Variants in MAPK10 observed in about 807,000 individuals in gnomAD.
MAPK10 encodes JNK3 alpha protein kinase.
In MAPK10, 25 loss-of-function variants were observed where a neutral mutation model predicts 59.3. That is an observed-to-expected ratio of 0.42 (90% CI 0.31 to 0.59). The LOEUF is 0.59. Among genes scored for constraint, MAPK10 ranks in the 20% least tolerant of loss-of-function variants. The pLI is 0.15. For missense variants in MAPK10, 351 were observed against 568.9 expected (o/e 0.62, Z 3.90); for synonymous variants, 190 against 200.5 (o/e 0.95, Z 0.44).
chr4:86,256,894 TTGCGCCC>T, intron 2 of MAPK10, among the ~76,000 whole-genome samples: 1 of 73,516 alleles, frequency 1.4e-5, no homozygotes, highest in Non-Finnish European at 2.4e-5. Flanking sequence ...GCGCCCGCCA[TTGCGCCC>T]GCCATTGCGC....
chr4:86,162,556 T>C (rs577814553), intron 3 of MAPK10, among the ~76,000 whole-genome samples: 8 of 152,216 alleles, frequency 5.3e-5, no homozygotes, highest in Admixed American at 5.2e-4. Context: ...TGATAGTTTT[T>C]ACCAGGTATT....
intron 1 of MAPK10, among the ~76,000 whole-genome samples, chr4:86,451,867 A>G (rs1750755960): frequency 6.6e-6 from 1 of 152,144 alleles, no homozygotes; most frequent in Admixed American, 6.5e-5. Flanking sequence ...ACAAAAAAAG[A>G]CACCAGATAC....
intron 1 of MAPK10, among the ~76,000 whole-genome samples, chr4:86,551,244 T>C (rs769050537): frequency 6.6e-6 from 1 of 152,218 alleles, no homozygotes; most frequent in Non-Finnish European, 1.5e-5. Flanking sequence ...GAAATGTGTG[T>C]TTTCCACTAT....
At chr4:86,221,916 C>A (rs76937670) in intron 2 of MAPK10, among the ~76,000 whole-genome samples, 12,926 of 152,188 alleles carry the variant, frequency 0.085, 1,219 homozygotes, top group African/African-American at 0.23. Flanking sequence ...TGTTCTTGTG[C>A]TACTGAGTGA....
chr4:86,057,775 A>G (rs1239660726), intron 11 of MAPK10, among the ~76,000 whole-genome samples: 1 of 150,150 alleles, frequency 6.7e-6, no homozygotes, highest in South Asian at 2.1e-4. Flanking sequence ...AGAAAAGGGT[A>G]AGAAGTGAAG....
At chr4:86,140,717 G>T (rs1411169950) in intron 4 of MAPK10, among the ~76,000 whole-genome samples, 1 of 151,878 alleles carries the variant, frequency 6.6e-6, no homozygotes, top group Non-Finnish European at 1.5e-5. Context: ...ATTTATGTAT[G>T]CATTCTGATT....
intron 3 of MAPK10, among the ~76,000 whole-genome samples, chr4:86,164,966 A>AT (rs2071119510): frequency 3.9e-5 from 6 of 152,182 alleles, no homozygotes; most frequent in Non-Finnish European, 5.9e-5. Context: ...AGAAATTTAA[A>AT]GGGCCTGATT....
At chr4:86,583,562 G>A (rs1468586295) in intron 1 of MAPK10, among the ~76,000 whole-genome samples, 1 of 152,160 alleles carries the variant, frequency 6.6e-6, no homozygotes, top group African/African-American at 2.4e-5. Context: ...TCGAATGTGT[G>A]GAATTGCTGC....
At chr4:86,431,193 A>G (rs1370915989) in intron 1 of MAPK10, among the ~76,000 whole-genome samples, 1 of 152,214 alleles carries the variant, frequency 6.6e-6, no homozygotes, top group African/African-American at 2.4e-5. Context: ...TTTTACACTC[A>G]TACCAGGCAA....
At chr4:86,431,168 A>C (rs768563987) in intron 1 of MAPK10, among the ~76,000 whole-genome samples, 49 of 152,316 alleles carry the variant, frequency 3.2e-4, no homozygotes, top group Middle Eastern at 3.4e-3. Flanking sequence ...GTCAAATGAC[A>C]ATTAAGAAAA....
intron 2 of MAPK10, among the ~76,000 whole-genome samples, chr4:86,303,121 C>T (rs955427849): frequency 1.3e-5 from 2 of 152,194 alleles, no homozygotes; most frequent in Admixed American, 1.3e-4. Flanking sequence ...TTCAGGAAAA[C>T]AGCCATAGTG....
At chr4:86,402,732 TTCC>T (rs1211083010) in intron 1 of MAPK10, among the ~76,000 whole-genome samples, 1 of 152,120 alleles carries the variant, frequency 6.6e-6, no homozygotes, top group African/African-American at 2.4e-5. Context: ...GGATGGAAAC[TTCC>T]TAGACTGCTG....
At chr4:86,217,777 T>C (rs942656538) in intron 2 of MAPK10, among the ~76,000 whole-genome samples, 3 of 151,912 alleles carry the variant, frequency 2.0e-5, no homozygotes, top group African/African-American at 7.3e-5. Context: ...ATAAAATACA[T>C]TATCTCATAT....
At position 86,324,167 on chromosome 4, in the gene MAPK10, G is replaced by A. The variant is rs564803979; in HGVS notation, c.-7+30363C>T. Among the ~76,000 whole-genome samples, 6 of 152,272 alleles carry A rather than the reference G, an allele frequency of 3.9e-5. No individual in the cohort carries two copies. In the South Asian group the frequency reaches 1.2e-3, roughly 32 times the overall value. ...CAAGTCTGTAATCCCAACATTTTGG[G>A]AGGCAATGGCAGGCAGATCACCTGC... On this transcript the variant is annotated intron_variant, in intron 2 of 13. Coordinates refer to ENST00000641462, the MANE Select transcript of MAPK10 (RefSeq NM_138982.4).
intron 4 of MAPK10, among the ~76,000 whole-genome samples, chr4:86,134,115 A>C (rs2061476105): frequency 6.6e-6 from 1 of 152,216 alleles, no homozygotes; most frequent in South Asian, 2.1e-4. Context: ...TCTTACATTG[A>C]GCCAAAATCT....
intron 4 of MAPK10, among the ~76,000 whole-genome samples, chr4:86,157,033 TG>T (rs1181062717): frequency 6.6e-6 from 1 of 152,066 alleles, no homozygotes; most frequent in Non-Finnish European, 1.5e-5. Flanking sequence ...TGTTTAATCA[TG>T]CTCAACATTG....
chr4:86,452,882 TA>T (rs1750892869), intron 1 of MAPK10: 1 of 152,026 alleles, frequency 6.6e-6, no homozygotes, highest in South Asian at 2.1e-4. Context: ...ATGGACCCTC[TA>T]AAGGGTCCTG....
chr4:86,088,069 A>T (rs1330864455), intron 9 of MAPK10, among the ~76,000 whole-genome samples: 1 of 152,194 alleles, frequency 6.6e-6, no homozygotes, highest in African/African-American at 2.4e-5. Context: ...ATAAGTGACT[A>T]AGTGTAGAGG....
rs555561521 is a variant in MAPK10, at chr4:86,578,368, A to C, written c.-263+15542T>G. Among the ~76,000 whole-genome samples the C allele has an allele frequency of 3.3e-5, 5 of 152,294 alleles. No individual in the cohort carries two copies. The East Asian group carries it at 9.6e-4, about 29-fold the overall frequency. ...ATGGCAGTGGGAGAGCTGGGATTTA[A>C]ATCCCAGCAGCTCTTGACCACCTTA... On this transcript the variant is annotated intron_variant, in intron 1 of 4. Coordinates refer to the MAPK10 transcript ENST00000502302.
Sources: allele counts gnomAD v4.1 joint callset (sites outside exome capture counted in the v4.1 genomes callset), GRCh38; gene constraint gnomAD v4.1.1; transcripts MANE v1.5; gene names NCBI Gene and HGNC (gene_info 2026-07-23, HGNC 2026-07-21).